KDM4C: variants seen among roughly 807,000 people sequenced by gnomAD.
The protein encoded by KDM4C is lysine demethylase 4C, also known as lysine-specific demethylase 4C.
A neutral mutation model predicts 129.3 loss-of-function variants in KDM4C; 81 were observed. That is an observed-to-expected ratio of 0.63 (90% CI 0.52 to 0.75). KDM4C has a LOEUF of 0.75. KDM4C is among the 30% of genes least tolerant of loss of function. The probability of loss-of-function intolerance (pLI) is 0.00; values close to 1 mark genes in which losing one functional copy is unlikely to be tolerated. For synonymous variants in KDM4C, 573 were observed against 456.1 expected, an observed-to-expected ratio of 1.26 and a Z score of -3.26; for missense variants, 1,457 against 1,304.0, an observed-to-expected ratio of 1.12 and a Z score of -1.81.
intron 8 of KDM4C, among the ~76,000 whole-genome samples, chr9:6,934,612 C>T (rs933967235): frequency 7.2e-5 from 11 of 151,776 alleles, no homozygotes; most frequent in African/African-American, 1.7e-4. Flanking sequence ...TACAGGCACG[C>T]GCCACCATGC....
chr9:6,878,676 A>G (rs1371136950), intron 5 of KDM4C, among the ~76,000 whole-genome samples: 1 of 152,220 alleles, frequency 6.6e-6, no homozygotes, highest in Non-Finnish European at 1.5e-5. Context: ...ATCTGCATAT[A>G]TAAATATCTC....
chr9:6,865,386 A>G (rs10975860), intron 5 of KDM4C, among the ~76,000 whole-genome samples: 31,967 of 152,038 alleles, frequency 0.21, 4,163 homozygotes, highest in Middle Eastern at 0.38. Flanking sequence ...TGAAAGTGCT[A>G]TCTTGAATTC....
chr9:7,128,425 C>G (rs113611380), intron 19 of KDM4C, among the ~76,000 whole-genome samples, 189 bp downstream of exon 19: 1 of 151,926 alleles, frequency 6.6e-6, no homozygotes, highest in Admixed American at 6.6e-5. Flanking sequence ...TTTGGCCAAA[C>G]GTTATTTGGC....
At chr9:7,088,305 A>G (rs1835387200) in intron 17 of KDM4C, among the ~76,000 whole-genome samples, 1 of 152,194 alleles carries the variant, frequency 6.6e-6, no homozygotes, top group Non-Finnish European at 1.5e-5. Flanking sequence ...GTTCATTCAC[A>G]TTTAAGGGAG....
rs533241917 is a variant in KDM4C, at chr9:7,138,669, T to A, written c.2781+10433T>A. ...TTCTTTACAAAAAAATTTAAAAAAA[T>A]TTAGCCAGGCATGGTGACGTGTACC... is the stretch of plus-strand genomic sequence containing the variant. On this transcript the variant is annotated intron_variant, in intron 19 of 21. Coordinates refer to ENST00000381309, the MANE Select transcript of KDM4C (RefSeq NM_015061.6). 2.3e-4 allele frequency among the ~76,000 whole-genome samples: 35 copies of A among 151,714 alleles called. No homozygotes were observed. The East Asian group carries it at 6.1e-3, about 26-fold the overall frequency.
At position 6,835,407 on chromosome 9, in the gene KDM4C, C is replaced by T. The variant is rs557581749; in HGVS notation, c.436-14100C>T. ...ACAGGATGCAGAAGGAGATCACCGC[C>T]CTGGCGCCCAGCACGATGAAGATCA... is the stretch of plus-strand genomic sequence containing the variant. On this transcript the variant is annotated intron_variant, in intron 4 of 21. Transcript: ENST00000381309. The T allele has an allele frequency of 2.1e-5, 24 of 1,150,206 alleles. No homozygotes were observed. In the East Asian group the frequency reaches 4.5e-4, roughly 21 times the overall value. The allele number at this position is 1,150,206 out of a possible 1,614,324, so 71.3% of individuals were successfully genotyped here. A position where few individuals can be genotyped will look rare whatever the true frequency, so the allele number is the denominator to read the frequency against.
chr9:7,055,849 G>A (rs1469543516), intron 17 of KDM4C, among the ~76,000 whole-genome samples: 1 of 152,192 alleles, frequency 6.6e-6, no homozygotes, highest in African/African-American at 2.4e-5. Flanking sequence ...TTACAGCAAT[G>A]TTCGTGAGCA....
chr9:6,744,075 C>G (rs1386490738), intron 1 of KDM4C, among the ~76,000 whole-genome samples: 1 of 120,654 alleles, frequency 8.3e-6, no homozygotes, highest in Non-Finnish European at 1.6e-5. Flanking sequence ...AAAAAATCAG[C>G]TTCATCCAGA....
At chr9:6,963,389 T>C (rs931776778) in intron 8 of KDM4C, among the ~76,000 whole-genome samples, 1 of 152,222 alleles carries the variant, frequency 6.6e-6, no homozygotes, top group African/African-American at 2.4e-5. Context: ...ATAAGCACAA[T>C]CTTTGTCCTC....
At chr9:6,940,358 C>T (rs934733096) in intron 8 of KDM4C, among the ~76,000 whole-genome samples, 1 of 152,142 alleles carries the variant, frequency 6.6e-6, no homozygotes, top group African/African-American at 2.4e-5. Context: ...TCATTCCTGA[C>T]TTTCATGTTA....
intron 8 of KDM4C, among the ~76,000 whole-genome samples, chr9:6,927,423 C>T (rs1283072200): frequency 1.3e-5 from 2 of 152,182 alleles, no homozygotes; most frequent in African/African-American, 4.8e-5. Context: ...AGCTACTGCG[C>T]CCAGCCTCTT....
intron 18 of KDM4C, among the ~76,000 whole-genome samples, chr9:7,126,237 G>T (rs1390126000): frequency 6.6e-6 from 1 of 152,122 alleles, no homozygotes; most frequent in African/African-American, 2.4e-5. Flanking sequence ...AATAAAGATG[G>T]AGTCTACAAT....
intron 19 of KDM4C, among the ~76,000 whole-genome samples, chr9:7,157,944 T>A (rs1843365273): frequency 1.3e-5 from 2 of 152,214 alleles, no homozygotes; most frequent in African/African-American, 4.8e-5. Context: ...CAGCTCCACT[T>A]TGTACCTCTG....
At chr9:6,754,476 G>A (rs182863275), upstream of KDM4C, among the ~76,000 whole-genome samples, 37 of 152,258 alleles carry the variant, frequency 2.4e-4, no homozygotes, top group African/African-American at 8.7e-4. Context: ...GCCTCCCAAT[G>A]TGCTGAGATT....
chr9:7,121,834 C>T (rs1281414331), intron 18 of KDM4C, among the ~76,000 whole-genome samples: 2 of 151,428 alleles, frequency 1.3e-5, no homozygotes, highest in Non-Finnish European at 2.9e-5. Flanking sequence ...AATGTAATTT[C>T]TTTAGGCCAC....
chr9:6,842,312 CTTTTTTT>C (rs759138371), intron 4 of KDM4C, among the ~76,000 whole-genome samples: 108 of 97,880 alleles, frequency 1.1e-3, no homozygotes, highest in African/African-American at 2.8e-3. Context: ...ATCCACATTT[CTTTTTTT>C]TTTTTTTTTT....
chr9:6,939,199 C>T (rs913825823), intron 8 of KDM4C, among the ~76,000 whole-genome samples: 1 of 151,938 alleles, frequency 6.6e-6, no homozygotes, highest in Admixed American at 6.6e-5. Flanking sequence ...GCATTACTGC[C>T]TGAGCTCCAC....
chr9:6,901,332 G>A (rs1191132263), intron 8 of KDM4C, among the ~76,000 whole-genome samples: 1 of 152,192 alleles, frequency 6.6e-6, no homozygotes, highest in African/African-American at 2.4e-5. Context: ...AGGTTCTGCT[G>A]AGGTGACACA....
At chr9:6,911,665 TCTC>T (rs1819336099) in intron 8 of KDM4C, among the ~76,000 whole-genome samples, 1 of 152,338 alleles carries the variant, frequency 6.6e-6, no homozygotes, top group East Asian at 1.9e-4. Context: ...ATTTGACTAA[TCTC>T]CTTGATCTCT....
Sources: allele counts gnomAD v4.1 joint callset (sites outside exome capture counted in the v4.1 genomes callset), GRCh38; gene constraint gnomAD v4.1.1; transcripts MANE v1.5; gene names NCBI Gene and HGNC (gene_info 2026-07-23, HGNC 2026-07-21).